Variants in KCNQ3 observed in about 807,000 individuals in gnomAD.
The protein encoded by KCNQ3 is potassium voltage-gated channel subfamily Q member 3, also known as potassium voltage-gated channel subfamily KQT member 3.
KCNQ3 carries 30 observed loss-of-function variants against 92.5 expected under a neutral mutation model. The ratio of observed to expected loss-of-function variants is 0.32; its 90% CI spans 0.24 to 0.44. The LOEUF (loss-of-function observed/expected upper bound fraction) is 0.44, where lower values mean the gene tolerates loss of function less well. Among genes scored for constraint, KCNQ3 ranks in the 20% least tolerant of loss-of-function variants. KCNQ3 has a pLI of 1.00. For synonymous variants in KCNQ3, 450 were observed against 468.8 expected (o/e 0.96, Z 0.52); for missense variants, 913 against 1,140.3 (o/e 0.80, Z 2.87).
In KCNQ3 at chr8:132,216,584, T is replaced by C. The variant is rs150606114; in HGVS notation, c.387-30403A>G. On this transcript the variant is annotated intron_variant, in intron 1 of 14. Coordinates refer to ENST00000388996, the MANE Select transcript of KCNQ3 (RefSeq NM_004519.4). ...AAGACAGAGAACTTCAATTGACATC[T>C]GGGTTTCGAAATTTTGATTGCATAG... 4.6e-3 allele frequency among the ~76,000 whole-genome samples: 693 copies of C among 152,278 alleles called. 1 individual carries two copies. Among genetic ancestry groups the C allele is most frequent in the Non-Finnish European group, 8.6e-3 (583 of 68,018 alleles).
At chr8:132,410,915 A>C (rs1399928013) in intron 1 of KCNQ3, among the ~76,000 whole-genome samples, 1 of 152,192 alleles carries the variant, frequency 6.6e-6, no homozygotes. Flanking sequence ...CCAGACCAGC[A>C]CATCTCTGAC....
intron 1 of KCNQ3, among the ~76,000 whole-genome samples, chr8:132,344,084 C>G (rs1448764290): frequency 6.6e-6 from 1 of 152,130 alleles, no homozygotes; most frequent in Non-Finnish European, 1.5e-5. Flanking sequence ...GAGGGATGAT[C>G]TGAGTAAGTG....
Position 132,304,641 on chromosome 8 carries a change from CAT to C in KCNQ3, c.387-118462_387-118461del, listed in dbSNP as rs1332577267. On this transcript the variant is annotated intron_variant, in intron 1 of 14. Coordinates refer to ENST00000388996, the MANE Select transcript of KCNQ3 (RefSeq NM_004519.4). ...TCATAGTACAAATGTTCAGTGGCCACATGTCCCAAGTAGGACCATATTGGACA... is the reference window on the plus strand; with the variant it reads ...TCATAGTACAAATGTTCAGTGGCCACGTCCCAAGTAGGACCATATTGGACA... Among the ~76,000 whole-genome samples, 7 of 152,250 alleles carry C rather than the reference CAT, an allele frequency of 4.6e-5. No individual in the cohort carries two copies. In the South Asian group the frequency reaches 1.5e-3, roughly 32 times the overall value.
At chr8:132,181,424 T>C (rs982644350) in intron 3 of KCNQ3, among the ~76,000 whole-genome samples, 16 of 152,228 alleles carry the variant, frequency 1.1e-4, no homozygotes, top group African/African-American at 3.9e-4. Flanking sequence ...ATAATAATTG[T>C]ACATATTCAT....
intron 1 of KCNQ3, among the ~76,000 whole-genome samples, chr8:132,300,974 A>G (rs751249944): frequency 6.6e-5 from 10 of 152,164 alleles, no homozygotes; most frequent in Admixed American, 1.3e-4. Context: ...TGCCATAACA[A>G]GGGATTAAGC....
At chr8:132,144,067 T>C (rs1312726604) in intron 9 of KCNQ3, among the ~76,000 whole-genome samples, 3 of 152,242 alleles carry the variant, frequency 2.0e-5, no homozygotes, top group East Asian at 1.9e-4. Flanking sequence ...GAGGACTCTC[T>C]TGGTTCTATC....
intron 1 of KCNQ3, among the ~76,000 whole-genome samples, chr8:132,285,608 C>T (rs959858605): frequency 1.3e-5 from 2 of 152,194 alleles, no homozygotes; most frequent in African/African-American, 4.8e-5. Context: ...AATCCACAGC[C>T]TGAGCACATG....
chr8:132,391,828 T>C (rs533559855), intron 1 of KCNQ3, among the ~76,000 whole-genome samples: 4 of 152,244 alleles, frequency 2.6e-5, no homozygotes, highest in South Asian at 4.1e-4. Context: ...GCAATACAGA[T>C]GCCCATGGCA....
chr8:132,340,283 A>T (rs1818488873), intron 1 of KCNQ3, among the ~76,000 whole-genome samples: 1 of 152,166 alleles, frequency 6.6e-6, no homozygotes, highest in South Asian at 2.1e-4. Flanking sequence ...AGGATTATAA[A>T]TCATTCTACT....
chr8:132,143,957 A>T (rs969224919), intron 9 of KCNQ3, among the ~76,000 whole-genome samples: 1 of 152,236 alleles, frequency 6.6e-6, no homozygotes, highest in African/African-American at 2.4e-5. Flanking sequence ...GTATATGAGG[A>T]GCTTAATTCC....
chr8:132,225,518 T>C (rs1814383165), intron 1 of KCNQ3, among the ~76,000 whole-genome samples: 1 of 152,182 alleles, frequency 6.6e-6, no homozygotes, highest in African/African-American at 2.4e-5. Flanking sequence ...TGGGACAATA[T>C]GAAAGATTTT....
At chr8:132,147,731 G>A (rs1379761724) in intron 9 of KCNQ3, among the ~76,000 whole-genome samples, 1 of 152,208 alleles carries the variant, frequency 6.6e-6, no homozygotes, top group Non-Finnish European at 1.5e-5. Context: ...AGTCAAAAAA[G>A]AGAGATTTCG....
intron 1 of KCNQ3, among the ~76,000 whole-genome samples, chr8:132,441,444 C>T (rs900632475): frequency 6.6e-6 from 1 of 152,126 alleles, no homozygotes; most frequent in Non-Finnish European, 1.5e-5. Flanking sequence ...GTCCCAGCTA[C>T]CCGGGAGGCT....
chr8:132,381,972 T>C (rs1006254458), intron 1 of KCNQ3, among the ~76,000 whole-genome samples: 9 of 152,196 alleles, frequency 5.9e-5, no homozygotes, highest in African/African-American at 1.9e-4. Context: ...ACCAGGAGCC[T>C]GGAGGCCTGC....
chr8:132,404,166 G>A (rs1476111016), intron 1 of KCNQ3, among the ~76,000 whole-genome samples: 3 of 152,190 alleles, frequency 2.0e-5, no homozygotes, highest in African/African-American at 7.2e-5. Flanking sequence ...AAGAAAGTGG[G>A]ACAAAGGGAT....
chr8:132,293,361 C>A (rs1816914878), intron 1 of KCNQ3, among the ~76,000 whole-genome samples: 1 of 152,002 alleles, frequency 6.6e-6, no homozygotes. Context: ...ACCTATGGGA[C>A]CTGACACTAT....
At chr8:132,273,233 T>C (rs946401494) in intron 1 of KCNQ3, among the ~76,000 whole-genome samples, 2 of 152,214 alleles carry the variant, frequency 1.3e-5, no homozygotes, top group Non-Finnish European at 2.9e-5. Flanking sequence ...TTTCCAAACA[T>C]CCTCTGAAAT....
intron 1 of KCNQ3, among the ~76,000 whole-genome samples, chr8:132,422,458 C>T (rs944792015): frequency 1.3e-5 from 2 of 152,178 alleles, no homozygotes; most frequent in African/African-American, 4.8e-5. Context: ...ACTCTCTATC[C>T]TGCAGGTGTG....
intron 9 of KCNQ3, among the ~76,000 whole-genome samples, chr8:132,162,073 T>C (rs914819945): frequency 6.6e-6 from 1 of 152,188 alleles, no homozygotes; most frequent in Admixed American, 6.5e-5. Flanking sequence ...CTCTGTGCTC[T>C]TGGCAGAGTG....
Sources: allele counts gnomAD v4.1 joint callset (sites outside exome capture counted in the v4.1 genomes callset), GRCh38; gene constraint gnomAD v4.1.1; transcripts MANE v1.5; gene names NCBI Gene and HGNC (gene_info 2026-07-23, HGNC 2026-07-21).